TFIP11: variants seen among roughly 807,000 people sequenced by gnomAD.
TFIP11 encodes tuftelin-interacting protein 11.
In TFIP11, 86 loss-of-function variants were observed where a neutral mutation model predicts 96.8. The observed-to-expected ratio is 0.89, with a 90% CI of 0.75 to 1.06. The LOEUF (loss-of-function observed/expected upper bound fraction) is 1.06, where lower values mean the gene tolerates loss of function less well. Ranked by LOEUF, TFIP11 falls within the 50% of genes least tolerant of loss-of-function variation. The pLI is 0.00. For missense variants in TFIP11, 881 were observed against 1,076.7 expected, an observed-to-expected ratio of 0.82 and a Z score of 2.54; for synonymous variants, 405 against 395.2, an observed-to-expected ratio of 1.02 and a Z score of -0.29.
chr22:26,494,581 G>A lies in TFIP11; in HGVS notation c.1992+216C>T, dbSNP rs927852755. ...CTACCCCATAGGGTTGCTGAGAGGA[G>A]CTGAGATAAAGCAAATAAAGTGCTT... On this transcript the variant is annotated intron_variant, in intron 13 of 14. Coordinates refer to ENST00000407690, the MANE Select transcript of TFIP11 (RefSeq NM_012143.4). The A allele has an allele frequency of 6.7e-6, 5 of 743,608 alleles. No individual in the cohort carries two copies. The African/African-American group carries it at 7.1e-5, about 11-fold the overall frequency. 46.1% of individuals were successfully genotyped at this position (743,608 alleles called of 1,614,324 possible). A position where few individuals can be genotyped will look rare whatever the true frequency, so the allele number is the denominator to read the frequency against.
intron 5 of TFIP11, 152 bp from the exon 6 acceptor site, chr22:26,506,611 G>A: frequency 1.6e-6 from 2 of 1,273,534 alleles, no homozygotes; most frequent in African/African-American, 1.5e-5. Flanking sequence ...GTGTCAGGAA[G>A]GAAGAGACTG....
Position 26,499,163 on chromosome 22 carries a change from C to G in TFIP11, c.1270G>C (p.Ala424Pro). ...ATGAGTGGATAGACGATGGCCACAG[C>G]AAGGTCCACACGGTCGGACATCCTG... ...EYRMSDRVDL[A>P]VAIVYPLMKE... is the part of the protein sequence containing the mutation. Residue 424 changes from alanine to proline, a missense_variant, in exon 9 of 15, where the codon GCT (alanine) becomes CCT (proline). Ala to Pro is a conservative substitution (Grantham distance 27, BLOSUM62 -1). Coordinates refer to ENST00000407690, the MANE Select transcript of TFIP11 (RefSeq NM_012143.4). The G allele has an allele frequency of 6.2e-7, 1 of 1,604,570 alleles. No homozygotes were observed. Among genetic ancestry groups the G allele is most frequent in the Non-Finnish European group, 8.5e-7 (1 of 1,174,114 alleles).
In TFIP11 at chr22:26,494,305, CT is replaced by C; in HGVS notation, c.1993-2del. 6.2e-7 allele frequency: 1 copy of C among 1,614,180 alleles called. No homozygotes were observed. The highest frequency in any genetic ancestry group is 8.5e-7 in the Non-Finnish European group (1 of 1,180,038). On this transcript the variant is annotated splice_acceptor_variant, in intron 13 of 14. Transcript: ENST00000407690. LOFTEE classifies it high-confidence loss of function. ...TGTTACTGAGCCAAGAGCACAGCAC[CT>C]GCCAAAAAGAAAAATTACTTGCATC... is the stretch of plus-strand genomic sequence containing the variant.
Position 26,492,357 on chromosome 22 carries a change from G to T in TFIP11, c.2170C>A (p.Gln724Lys). Residue 724 changes from glutamine to lysine, a missense_variant, in exon 15 of 15, where the codon CAG (glutamine) becomes AAG (lysine). Coordinates refer to ENST00000407690, the MANE Select transcript of TFIP11 (RefSeq NM_012143.4). Reference sequence around the variant, plus strand: ...GCAATGTTCTCCCGTGCTCCTGGCTGCATGTAGGCACCTAAGATACAGGAG... The same window carrying T: ...GCAATGTTCTCCCGTGCTCCTGGCTTCATGTAGGCACCTAAGATACAGGAG... ...AVSSNVGAYM[Q>K]PGARENIAYL... 6.2e-7 allele frequency: 1 copy of T among 1,614,118 alleles called. No individual in the cohort carries two copies. The highest frequency in any genetic ancestry group is 8.5e-7 in the Non-Finnish European group (1 of 1,179,958).
chr22:26,495,077 T>A, intron 12 of TFIP11, 138 bp from the exon 13 acceptor site: 1 of 1,160,630 alleles, frequency 8.6e-7, no homozygotes, highest in Non-Finnish European at 1.2e-6. Flanking sequence ...CTCTTGTGCC[T>A]CAGCCTCCCG....
In TFIP11 at chr22:26,499,284, G is replaced by T; in HGVS notation, c.1149C>A (p.Cys383Ter). 6.2e-7 allele frequency: 1 copy of T among 1,613,728 alleles called. No individual in the cohort carries two copies. Among genetic ancestry groups the T allele is most frequent in the South Asian group, 1.1e-5 (1 of 91,032 alleles). ...TGCAGTCGGGCTGCATCCGCCGCTC[G>T]CACTCCTCCACCATCTCCAGGACCT... ...LSKVLEMVEE[C>*]ERRMQPDCSN... Residue 383 changes from cysteine (C) to a stop codon, truncating the protein, a stop_gained, in exon 9 of 15, where the codon TGC becomes TGA. Coordinates refer to ENST00000407690, the MANE Select transcript of TFIP11 (RefSeq NM_012143.4). LOFTEE classifies it high-confidence loss of function.
chr22:26,496,614 A>AT, intron 11 of TFIP11, 107 bp downstream of exon 11: 1 of 1,392,586 alleles, frequency 7.2e-7, no homozygotes, highest in South Asian at 1.4e-5. Context: ...GTGTTGACAA[A>AT]TTCCGTTAAT....
chr22:26,505,394 C>T (rs1213923732), intron 6 of TFIP11, among the ~76,000 whole-genome samples: 1 of 152,154 alleles, frequency 6.6e-6, no homozygotes, highest in Non-Finnish European at 1.5e-5. Flanking sequence ...ATTACAAAAA[C>T]TATGCACGAT....
intron 2 of TFIP11, chr22:26,511,611 G>A (rs1924069521): frequency 6.6e-6 from 1 of 152,206 alleles, no homozygotes; most frequent in South Asian, 2.1e-4. Context: ...AATTAAATAT[G>A]CACGTGAAGC....
In TFIP11 at chr22:26,506,442, G is replaced by A. The variant is rs1343261480; in HGVS notation, c.381C>T (p.Pro127=). The part of the protein sequence containing the change: ...RKLKTGGNFK[P]SQKGFAGGTK... ...TTCCTCCTGCAAAACCTTTCTGGCT[G>A]GGCTTAAAATTGCCACCCTGCAAAA... The change falls in exon 6 of 15, where the codon CCC becomes CCT. Residue 127 remains proline, a synonymous_variant. Transcript: ENST00000407690. 6.2e-7 allele frequency: 1 copy of A among 1,604,298 alleles called. No individual in the cohort carries two copies. The highest frequency in any genetic ancestry group is 2.2e-5 in the East Asian group (1 of 44,856).
intron 4 of TFIP11, among the ~76,000 whole-genome samples, chr22:26,509,026 C>G (rs142766541): frequency 2.8e-3 from 423 of 152,226 alleles, no homozygotes; most frequent in Non-Finnish European, 3.7e-3. Flanking sequence ...CATTGCCCAC[C>G]ACTATCCTAG....
In TFIP11 at chr22:26,491,795, C is replaced by A. The variant is rs1921219406; in HGVS notation, c.*218G>T. ...AGGAAAGAACATCAACTTGGCTGTC[C>A]TGTTTTGAGGACGATACCCCACATG... On this transcript the variant is annotated 3_prime_UTR_variant, in exon 15 of 15. Transcript: ENST00000407690. 4.9e-6 allele frequency: 5 copies of A among 1,029,644 alleles called. No individual in the cohort carries two copies. 63.8% of individuals were successfully genotyped at this position (1,029,644 alleles called of 1,614,324 possible).
At chr22:26,494,729 T>G (rs1354114463) in intron 13 of TFIP11, 68 bp downstream of exon 13, 2 of 1,603,090 alleles carry the variant, frequency 1.2e-6, no homozygotes, top group Non-Finnish European at 1.7e-6. Context: ...CAGTCAGGCC[T>G]TGGCAGAAAA....
At chr22:26,498,823 C>G (rs765559876) in intron 10 of TFIP11, 46 bp downstream of exon 10, 3 of 1,528,912 alleles carry the variant, frequency 2.0e-6, no homozygotes, top group East Asian at 4.5e-5. Context: ...TTCCCAACCC[C>G]CCAGGAGAAA....
At chr22:26,503,044 G>A (rs1279392997) in intron 7 of TFIP11, among the ~76,000 whole-genome samples, 1 of 152,166 alleles carries the variant, frequency 6.6e-6, no homozygotes, top group Non-Finnish European at 1.5e-5. Context: ...AATTCAAACA[G>A]GAAAAGAGTA....
chr22:26,503,791 T>C lies in TFIP11; in HGVS notation c.523A>G (p.Ile175Val). 1.9e-6 allele frequency: 3 copies of C among 1,610,032 alleles called. No homozygotes were observed. Among genetic ancestry groups the C allele is most frequent in the Non-Finnish European group, 2.5e-6 (3 of 1,178,948 alleles). Residue 175 changes from isoleucine to valine, a missense_variant and splice_region_variant, in exon 7 of 15, where the codon ATC (isoleucine) becomes GTC (valine). Ile to Val is a conservative substitution (Grantham distance 29). Coordinates refer to ENST00000407690, the MANE Select transcript of TFIP11 (RefSeq NM_012143.4). Reference sequence around the variant, plus strand: ...TGCTTGGCTTCAATTGGGTTAATGATACCTGAGGAATTTCAGCAAAAAAAA... The same window carrying C: ...TGCTTGGCTTCAATTGGGTTAATGACACCTGAGGAATTTCAGCAAAAAAAA... ...GRGLGKNAQG[I>V]INPIEAKQRK... is the part of the protein sequence containing the mutation.
intron 12 of TFIP11, 47 bp from the exon 13 acceptor site, chr22:26,494,986 A>G: frequency 6.2e-7 from 1 of 1,607,698 alleles, no homozygotes; most frequent in East Asian, 2.2e-5. Context: ...GTACTGGCAA[A>G]GCCAAAGAAG....
chr22:26,511,061 C>T (rs1923991369), intron 2 of TFIP11: 1 of 152,130 alleles, frequency 6.6e-6, no homozygotes, highest in African/African-American at 2.4e-5. Flanking sequence ...TCTAGAGCGA[C>T]ATAACTAATG....
chr22:26,502,050 C>T lies in TFIP11; in HGVS notation c.651G>A (p.Glu217=). The T allele has an allele frequency of 6.2e-7, 1 of 1,614,022 alleles. No individual in the cohort carries two copies. The highest frequency in any genetic ancestry group is 8.5e-7 in the Non-Finnish European group (1 of 1,179,996). The change falls in exon 8 of 15, where the codon GAG becomes GAA. Residue 217 remains glutamate, a splice_region_variant and synonymous_variant. Coordinates refer to ENST00000407690, the MANE Select transcript of TFIP11 (RefSeq NM_012143.4). ...VVDSEEEAEE[E]FQKELSQWRK... Reference sequence around the variant, plus strand: ...TCCACTGGCTCAGCTCCTTCTGAAACTCCTGAACCAGAAGAATACAGTCAG... The same window carrying T: ...TCCACTGGCTCAGCTCCTTCTGAAATTCCTGAACCAGAAGAATACAGTCAG...
Sources: allele counts gnomAD v4.1 joint callset (sites outside exome capture counted in the v4.1 genomes callset), GRCh38; gene constraint gnomAD v4.1.1; transcripts MANE v1.5; gene names NCBI Gene and HGNC (gene_info 2026-07-23, HGNC 2026-07-21).